EIF2B3: variants seen among roughly 807,000 people sequenced by gnomAD.
EIF2B3 encodes the protein eukaryotic translation initiation factor 2B subunit gamma, also known as translation initiation factor eIF2B subunit gamma.
A neutral mutation model predicts 54.1 loss-of-function variants in EIF2B3; 20 were observed. The ratio of observed to expected loss-of-function variants is 0.37; its 90% confidence interval spans 0.26 to 0.54. EIF2B3 has a LOEUF of 0.54. EIF2B3 is among the 20% of genes least tolerant of loss of function. The pLI is 0.86. For synonymous variants in EIF2B3, 153 were observed against 188.1 expected (o/e 0.81, Z 1.52); for missense variants, 448 against 547.8 (o/e 0.82, Z 1.82).
At chr1:44,948,761 T>C (rs12405721) in intron 3 of EIF2B3, among the ~76,000 whole-genome samples, 25,801 of 152,094 alleles carry the variant, frequency 0.17, 2,301 homozygotes, top group Non-Finnish European at 0.18. Context: ...CTTAGCATGA[T>C]TTTAAGGGTC....
intron 3 of EIF2B3, among the ~76,000 whole-genome samples, chr1:44,977,608 A>C (rs1644465571): frequency 1.3e-5 from 2 of 151,906 alleles, no homozygotes; most frequent in South Asian, 4.2e-4. Context: ...AGGATTACAG[A>C]TGTGCACCGC....
intron 1 of EIF2B3, among the ~76,000 whole-genome samples, chr1:44,985,754 C>T (rs1644567456): frequency 6.6e-6 from 1 of 152,240 alleles, no homozygotes; most frequent in South Asian, 2.1e-4. Context: ...ATGCTCATGT[C>T]ACTGCCACGA....
intron 5 of EIF2B3, among the ~76,000 whole-genome samples, chr1:44,921,957 C>G (rs2148929408): frequency 6.6e-6 from 1 of 151,164 alleles, no homozygotes; most frequent in Admixed American, 6.6e-5. Flanking sequence ...CTCTGTCACC[C>G]AGGCTGGAGT....
intron 5 of EIF2B3, among the ~76,000 whole-genome samples, chr1:44,921,820 TG>T (rs1473716382): frequency 6.6e-6 from 1 of 152,112 alleles, no homozygotes; most frequent in Non-Finnish European, 1.5e-5. Context: ...TCAGGTAATA[TG>T]ATTCCTGTAG....
intron 3 of EIF2B3, chr1:44,958,623 G>T: frequency 6.5e-7 from 1 of 1,531,146 alleles, no homozygotes; most frequent in South Asian, 1.1e-5. Context: ...CTATGGCTAT[G>T]CATGGGTCAC....
At chr1:44,960,267 T>C (rs11586398) in intron 3 of EIF2B3, among the ~76,000 whole-genome samples, 33,733 of 152,064 alleles carry the variant, frequency 0.22, 4,074 homozygotes, top group Admixed American at 0.32. Context: ...CAGCCAACCA[T>C]ATATCAAAAA....
Position 44,874,678 on chromosome 1 carries a change from C to G in EIF2B3, c.1202G>C (p.Gly401Ala). 4 of 1,613,952 alleles carry G rather than the reference C, an allele frequency of 2.5e-6. No homozygotes were observed. The highest frequency in any genetic ancestry group is 3.4e-6 in the Non-Finnish European group (4 of 1,179,952). ...CAAGTGGGTACAGGGGGAAACATAC[C>G]CTTCCTCCACAGTGACTGAGTTCAT... The part of the protein sequence containing the change: ...LLMNSVTVEE[G>A]SNIQGSVICN... Residue 401 changes from glycine (G) to alanine (A), a missense_variant and splice_region_variant, in exon 10 of 12, where the codon GGA (glycine) becomes GCA (alanine). Physicochemically the swap from Gly to Ala is moderately conservative, Grantham distance 60 (BLOSUM62 0). Around this residue, in one of 3 missense-constraint regions of EIF2B3, gnomAD observed 350 missense variants for 414.2 expected, o/e 0.85. Transcript: ENST00000360403.
chr1:44,910,237 A>G (rs1174551165), intron 5 of EIF2B3, among the ~76,000 whole-genome samples: 1 of 150,750 alleles, frequency 6.6e-6, no homozygotes, highest in African/African-American at 2.4e-5. Flanking sequence ...GGGTTTCTTT[A>G]AAGACCAACT....
chr1:44,931,157 G>A (rs1361929373), intron 4 of EIF2B3, among the ~76,000 whole-genome samples: 2 of 152,130 alleles, frequency 1.3e-5, no homozygotes, highest in African/African-American at 2.4e-5. Flanking sequence ...CTCCCTTGCT[G>A]GCTTTGATGA....
intron 1 of EIF2B3, among the ~76,000 whole-genome samples, chr1:44,986,138 CTTTT>C (rs66786376): frequency 1.4e-5 from 2 of 142,222 alleles, no homozygotes; most frequent in Non-Finnish European, 1.5e-5. Context: ...CTTTTCTTTT[CTTTT>C]TTTTTTTTTT....
chr1:44,864,201 C>T (rs897692419), intron 10 of EIF2B3, among the ~76,000 whole-genome samples: 50 of 152,124 alleles, frequency 3.3e-4, no homozygotes, highest in African/African-American at 1.2e-3. Flanking sequence ...AGGGAATGAA[C>T]CAAAAGCCAT....
rs1356030692 is a variant in EIF2B3, at chr1:44,907,806, C to T, written c.567-10362G>A. Among the ~76,000 whole-genome samples the T allele has an allele frequency of 2.1e-5, 3 of 145,314 alleles. No individual in the cohort carries two copies. In the Admixed American group the frequency reaches 2.2e-4, roughly 10 times the overall value. The stretch of plus-strand genomic sequence containing the variant: ...CTCGGTGGCTAAGGCAGGAGAATCG[C>T]TTGAACCCAGGAGGTGGAGGTTGCA... On this transcript the variant is annotated intron_variant, in intron 5 of 11. Transcript: ENST00000360403.
chr1:44,964,986 G>C (rs1444128902), intron 3 of EIF2B3, among the ~76,000 whole-genome samples: 2 of 152,172 alleles, frequency 1.3e-5, no homozygotes, highest in Non-Finnish European at 2.9e-5. Flanking sequence ...ACCCCAGATA[G>C]TTAGAGCAAC....
At chr1:44,943,740 A>G (rs1195082409) in intron 3 of EIF2B3, among the ~76,000 whole-genome samples, 1 of 152,194 alleles carries the variant, frequency 6.6e-6, no homozygotes, top group African/African-American at 2.4e-5. Flanking sequence ...TGTTATTATT[A>G]GCACTTTACC....
chr1:44,914,376 G>A (rs1331724279), intron 5 of EIF2B3, among the ~76,000 whole-genome samples: 3 of 152,046 alleles, frequency 2.0e-5, no homozygotes, highest in Non-Finnish European at 4.4e-5. Context: ...AGCCAGGCTG[G>A]TCTCAAATTC....
At chr1:44,867,738 G>A (rs780184711) in intron 10 of EIF2B3, among the ~76,000 whole-genome samples, 1 of 151,956 alleles carries the variant, frequency 6.6e-6, no homozygotes, top group South Asian at 2.1e-4. Flanking sequence ...GAACTCATTC[G>A]CAGGATTGGG....
At chr1:44,975,315 C>G (rs929938468) in intron 3 of EIF2B3, among the ~76,000 whole-genome samples, 1 of 152,084 alleles carries the variant, frequency 6.6e-6, no homozygotes, top group African/African-American at 2.4e-5. Context: ...TTAATGACAG[C>G]GATATGTTCT....
intron 5 of EIF2B3, among the ~76,000 whole-genome samples, chr1:44,911,125 G>A (rs1191692174): frequency 3.3e-5 from 5 of 152,202 alleles, no homozygotes; most frequent in South Asian, 4.1e-4. Context: ...AGGAAGTACT[G>A]TATTCTCATA....
Position 44,881,150 on chromosome 1 carries a change from C to T in EIF2B3, c.784+462G>A, listed in dbSNP as rs1227640045. On this transcript the variant is annotated intron_variant, in intron 7 of 11. Coordinates refer to ENST00000360403, the MANE Select transcript of EIF2B3 (RefSeq NM_020365.5). The surrounding 1 kb of genome is among the most constrained non-coding windows in gnomAD (Gnocchi z 4.0). ...GGGCCGGGGATTAGGGATATGACAGCAAACAAGACAGATCCGATCTTCAGA... is the reference window on the plus strand; with the variant it reads ...GGGCCGGGGATTAGGGATATGACAGTAAACAAGACAGATCCGATCTTCAGA... 6.6e-6 allele frequency among the ~76,000 whole-genome samples: 1 copy of T among 152,130 alleles called. No individual in the cohort carries two copies. The highest frequency in any genetic ancestry group is 1.9e-4 in the East Asian group (1 of 5,192).
Sources: allele counts gnomAD v4.1 joint callset (sites outside exome capture counted in the v4.1 genomes callset), GRCh38; gene constraint gnomAD v4.1.1; regional missense constraint gnomAD v4.1.1; non-coding constraint Gnocchi (gnomAD v3.1); transcripts MANE v1.5; gene names NCBI Gene and HGNC (gene_info 2026-07-23, HGNC 2026-07-21).